The following ADAMTS3 variants were observed in gnomAD, a reference collection of about 807,000 sequenced individuals.
ADAMTS3 encodes A disintegrin and metalloproteinase with thrombospondin motifs 3.
Under a neutral mutation model 129.0 loss-of-function variants are expected in ADAMTS3, and 73 were observed. The ratio of observed to expected loss-of-function variants is 0.57; its 90% CI spans 0.47 to 0.69. ADAMTS3 has a LOEUF of 0.69. Ranked by LOEUF, ADAMTS3 falls within the 30% of genes least tolerant of loss-of-function variation. The pLI is 0.00. For missense variants in ADAMTS3, 1,457 were observed against 1,514.5 expected (o/e 0.96, Z 0.63); for synonymous variants, 477 against 510.8 (o/e 0.93, Z 0.89).
intron 4 of ADAMTS3, among the ~76,000 whole-genome samples, chr4:72,376,890 ACT>A (rs1386588166): frequency 6.6e-6 from 1 of 152,182 alleles, no homozygotes; most frequent in Non-Finnish European, 1.5e-5. Flanking sequence ...ATAAAAAGAC[ACT>A]GTGTGAGTGT....
intron 14 of ADAMTS3, among the ~76,000 whole-genome samples, chr4:72,310,031 G>A (rs1216018540): frequency 6.6e-6 from 1 of 152,024 alleles, no homozygotes. Flanking sequence ...TTACAACAAA[G>A]CCAGAGAAGT....
chr4:72,484,358 C>T (rs1719520701), intron 3 of ADAMTS3, among the ~76,000 whole-genome samples: 1 of 152,168 alleles, frequency 6.6e-6, no homozygotes. Context: ...TATAAACCAA[C>T]AACTACATTT....
chr4:72,517,564 G>T (rs927963085), intron 3 of ADAMTS3, among the ~76,000 whole-genome samples: 39 of 152,238 alleles, frequency 2.6e-4, no homozygotes, highest in African/African-American at 9.2e-4. Flanking sequence ...TTTAGTCTTG[G>T]GAGGGTGTAT....
chr4:72,314,321 T>G (rs553218131), intron 11 of ADAMTS3, among the ~76,000 whole-genome samples: 1 of 152,312 alleles, frequency 6.6e-6, no homozygotes, highest in East Asian at 1.9e-4. Flanking sequence ...TCATTAACAA[T>G]GATTCTGAGA....
intron 3 of ADAMTS3, among the ~76,000 whole-genome samples, chr4:72,447,074 T>C (rs1025608475): frequency 1.3e-5 from 2 of 151,766 alleles, no homozygotes; most frequent in Non-Finnish European, 2.9e-5. Flanking sequence ...ATTAGTGTCA[T>C]TTTCCTCATA....
rs1253348029 is a variant in ADAMTS3, at chr4:72,329,111, A to T, written c.862-6014T>A. ...CAAATGTTCTGGGGGTGGAGAATGG[A>T]ATAGTCAATACCTTTGAGTCTCTGT... On this transcript the variant is annotated intron_variant, in intron 5 of 21. Coordinates refer to ENST00000286657, the MANE Select transcript of ADAMTS3 (RefSeq NM_014243.3). Among the ~76,000 whole-genome samples the T allele has an allele frequency of 1.1e-4, 17 of 152,218 alleles. 1 individual carries two copies. Among genetic ancestry groups the T allele is most frequent in the Non-Finnish European group, 2.5e-4 (17 of 68,048 alleles).
At chr4:72,416,732 A>C (rs1230928373) in intron 3 of ADAMTS3, among the ~76,000 whole-genome samples, 2 of 152,158 alleles carry the variant, frequency 1.3e-5, no homozygotes, top group East Asian at 3.9e-4. Context: ...AATTTCCAAC[A>C]TCTTCCTCAT....
chr4:72,561,519 G>GA (rs1265086021), intron 2 of ADAMTS3, among the ~76,000 whole-genome samples: 16 of 151,410 alleles, frequency 1.1e-4, no homozygotes, highest in Non-Finnish European at 1.0e-4. Flanking sequence ...AAAAAAGAAA[G>GA]AAAAAAATGA....
chr4:72,407,336 A>G (rs774811157), intron 4 of ADAMTS3, among the ~76,000 whole-genome samples: 3 of 152,190 alleles, frequency 2.0e-5, no homozygotes, highest in Non-Finnish European at 4.4e-5. Context: ...CTGTATTAAT[A>G]CAAGTATCAT....
chr4:72,412,077 T>C (rs1344159487), intron 4 of ADAMTS3, among the ~76,000 whole-genome samples: 1 of 152,104 alleles, frequency 6.6e-6, no homozygotes, highest in African/African-American at 2.4e-5. Context: ...TAGGGCAGAA[T>C]ATTACATGGG....
At chr4:72,538,122 G>A (rs1721227504) in intron 3 of ADAMTS3, among the ~76,000 whole-genome samples, 1 of 152,114 alleles carries the variant, frequency 6.6e-6, no homozygotes, top group East Asian at 1.9e-4. Flanking sequence ...AAAGTGAACA[G>A]AGGCTAAAGG....
chr4:72,553,762 G>A (rs532508298), intron 2 of ADAMTS3, among the ~76,000 whole-genome samples: 1 of 152,230 alleles, frequency 6.6e-6, no homozygotes, highest in South Asian at 2.1e-4. Flanking sequence ...TCAGCCAGGG[G>A]CAGCGCTGCT....
intron 3 of ADAMTS3, among the ~76,000 whole-genome samples, chr4:72,542,407 G>A (rs1277933322): frequency 2.0e-5 from 3 of 151,858 alleles, no homozygotes; most frequent in East Asian, 1.9e-4. Flanking sequence ...CTTGTGATCC[G>A]CCCGCCTCAG....
chr4:72,294,821 T>C (rs1330711357), intron 19 of ADAMTS3, among the ~76,000 whole-genome samples: 1 of 152,006 alleles, frequency 6.6e-6, no homozygotes, highest in South Asian at 2.1e-4. Context: ...GTCTGAGGGA[T>C]GATATATTAT....
Position 72,414,982 on chromosome 4 carries a change from C to A in ADAMTS3, c.505-11G>T. 1 of 1,451,168 alleles carries A rather than the reference C, an allele frequency of 6.9e-7. No individual in the cohort carries two copies. The highest frequency in any genetic ancestry group is 1.5e-5 in the African/African-American group (1 of 68,158). The allele number at this position is 1,451,168 out of a possible 1,614,324, so 89.9% of individuals were successfully genotyped here. On this transcript the variant is annotated splice_polypyrimidine_tract_variant and intron_variant, in intron 3 of 21. Coordinates refer to ENST00000286657, the MANE Select transcript of ADAMTS3 (RefSeq NM_014243.3). ...TTTTATCATTCCAGCCTAGAGAAAG[C>A]ACAAAATGTGTTAATTTAAAAAAGA... is the stretch of plus-strand genomic sequence containing the variant.
chr4:72,460,683 C>T (rs1718742308), intron 3 of ADAMTS3, among the ~76,000 whole-genome samples: 1 of 151,306 alleles, frequency 6.6e-6, no homozygotes, highest in Admixed American at 6.6e-5. Flanking sequence ...CTTGTAGCTA[C>T]AATGTGTCAG....
intron 4 of ADAMTS3, among the ~76,000 whole-genome samples, chr4:72,367,189 C>A (rs1720889907): frequency 6.6e-6 from 1 of 152,086 alleles, no homozygotes; most frequent in African/African-American, 2.4e-5. Context: ...TCTGATACTT[C>A]TCTAAATTTG....
At chr4:72,525,971 T>A (rs922697540) in intron 3 of ADAMTS3, among the ~76,000 whole-genome samples, 7 of 151,550 alleles carry the variant, frequency 4.6e-5, no homozygotes, top group Non-Finnish European at 1.0e-4. Flanking sequence ...AACAAGGGGG[T>A]AGAGAGGGGC....
intron 5 of ADAMTS3, among the ~76,000 whole-genome samples, chr4:72,329,768 T>A (rs1719797812): frequency 6.6e-6 from 1 of 151,386 alleles, no homozygotes; most frequent in South Asian, 2.1e-4. Context: ...AAAAAAACGA[T>A]CTACGATGTT....
Sources: gnomAD v4.1 joint callset for allele counts (sites outside exome capture counted in the v4.1 genomes callset) on GRCh38, gnomAD v4.1.1 for gene constraint, MANE v1.5 for transcripts, NCBI Gene and HGNC (gene_info 2026-07-23, HGNC 2026-07-21) for gene names.